Variants in ZNF804B observed in about 807,000 individuals in gnomAD.
The protein encoded by ZNF804B is zinc finger 804B.
Under a neutral mutation model 101.4 loss-of-function variants are expected in ZNF804B, and 80 were observed. That is an observed-to-expected ratio of 0.79 (90% CI 0.66 to 0.95). The LOEUF is 0.95. Ranked by LOEUF, ZNF804B falls within the 40% of genes least tolerant of loss-of-function variation. ZNF804B has a pLI of 0.00. For missense variants in ZNF804B, 1,673 were observed against 1,561.9 expected (o/e 1.07, Z -1.20); for synonymous variants, 622 against 558.8 (o/e 1.11, Z -1.59).
chr7:89,182,449 T>C (rs899387244), intron 1 of ZNF804B, among the ~76,000 whole-genome samples: 4 of 152,192 alleles, frequency 2.6e-5, no homozygotes, highest in African/African-American at 9.6e-5. Context: ...AATCCCATGA[T>C]AATAAAAACC....
intron 1 of ZNF804B, among the ~76,000 whole-genome samples, chr7:88,949,627 A>T (rs1218322334): frequency 6.6e-6 from 1 of 151,902 alleles, no homozygotes; most frequent in Non-Finnish European, 1.5e-5. Flanking sequence ...TTATCTAAAA[A>T]TACCTTATAT....
At chr7:89,207,838 C>T (rs1788737480) in intron 1 of ZNF804B, among the ~76,000 whole-genome samples, 1 of 152,090 alleles carries the variant, frequency 6.6e-6, no homozygotes, top group East Asian at 1.9e-4. Flanking sequence ...TAAACATAAA[C>T]TCTAGGTCAA....
chr7:88,760,687 C>T (rs972549937), intron 1 of ZNF804B, among the ~76,000 whole-genome samples: 9 of 151,808 alleles, frequency 5.9e-5, no homozygotes, highest in Non-Finnish European at 1.2e-4. Context: ...ATGCAATTAA[C>T]GTGATTGCTT....
At chr7:88,790,625 T>C (rs1353481030) in intron 1 of ZNF804B, among the ~76,000 whole-genome samples, 2 of 152,136 alleles carry the variant, frequency 1.3e-5, no homozygotes, top group Non-Finnish European at 2.9e-5. Context: ...CTGTATAGTA[T>C]ATATTCATAG....
At chr7:89,237,543 T>C (rs923611226) in intron 2 of ZNF804B, among the ~76,000 whole-genome samples, 5 of 152,174 alleles carry the variant, frequency 3.3e-5, no homozygotes, top group African/African-American at 1.2e-4. Flanking sequence ...TTTTCTTATC[T>C]TGATTTTCTA....
At chr7:89,231,524 G>A (rs1205499820) in intron 2 of ZNF804B, among the ~76,000 whole-genome samples, 4 of 151,938 alleles carry the variant, frequency 2.6e-5, no homozygotes, top group Non-Finnish European at 4.4e-5. Context: ...ACTAAATTTA[G>A]ATTAATTTGA....
chr7:88,835,743 A>G (rs904824025), intron 1 of ZNF804B, among the ~76,000 whole-genome samples: 2 of 151,916 alleles, frequency 1.3e-5, no homozygotes, highest in Non-Finnish European at 2.9e-5. Flanking sequence ...CTATATATGC[A>G]TATACATATA....
At chr7:88,818,823 C>G (rs1376750363) in intron 1 of ZNF804B, among the ~76,000 whole-genome samples, 1 of 152,142 alleles carries the variant, frequency 6.6e-6, no homozygotes. Context: ...TGTATCAACA[C>G]TAAAGTACTG....
intron 1 of ZNF804B, among the ~76,000 whole-genome samples, chr7:89,178,642 GTTA>G (rs1408092190): frequency 6.6e-6 from 1 of 151,976 alleles, no homozygotes; most frequent in Non-Finnish European, 1.5e-5. Context: ...AGTTGTCACA[GTTA>G]TTATTTTTGA....
chr7:89,139,295 T>C (rs1003229374), intron 1 of ZNF804B, among the ~76,000 whole-genome samples: 2 of 152,156 alleles, frequency 1.3e-5, no homozygotes, highest in African/African-American at 4.8e-5. Flanking sequence ...TGGTTGCGGC[T>C]CTTGCCTTGA....
At chr7:89,012,559 A>C (rs924924756) in intron 1 of ZNF804B, among the ~76,000 whole-genome samples, 1 of 152,196 alleles carries the variant, frequency 6.6e-6, no homozygotes, top group East Asian at 1.9e-4. Flanking sequence ...TTGCTAAAGC[A>C]TAACAAGGGT....
intron 1 of ZNF804B, among the ~76,000 whole-genome samples, chr7:88,919,991 G>A (rs2115995046): frequency 6.6e-6 from 1 of 152,152 alleles, no homozygotes; most frequent in African/African-American, 2.4e-5. Context: ...TATTACGAGG[G>A]AGGCTTGACA....
intron 1 of ZNF804B, among the ~76,000 whole-genome samples, chr7:88,870,400 A>AAAAAAAACAAAAAAAAAAAAAAAAG: frequency 8.9e-6 from 1 of 112,674 alleles, no homozygotes; most frequent in Non-Finnish European, 1.8e-5. Flanking sequence ...AAAAAAAAAA[A>AAAAAAAACAAAAAAAAAAAAAAAAG]AAAAAAAGGT....
chr7:89,221,067 A>C (rs1037819688), intron 2 of ZNF804B, among the ~76,000 whole-genome samples: 13 of 151,874 alleles, frequency 8.6e-5, no homozygotes, highest in African/African-American at 3.1e-4. Flanking sequence ...CTCTTTTTAT[A>C]ATCTTAAGTT....
rs948178444 is a variant in ZNF804B, at chr7:89,005,495, T to G, written c.109-212660T>G. 1.4e-4 allele frequency among the ~76,000 whole-genome samples: 21 copies of G among 152,248 alleles called. No homozygotes were observed. The East Asian group carries it at 4.1e-3, about 29-fold the overall frequency. ...ATAGCTGCTAATTTTGATGCACCAA[T>G]TTTTTATTCTCTGGTAACATAAATT... On this transcript the variant is annotated intron_variant, in intron 1 of 3. Coordinates refer to ENST00000333190, the MANE Select transcript of ZNF804B (RefSeq NM_181646.5).
chr7:88,945,612 T>C (rs957765676), intron 1 of ZNF804B, among the ~76,000 whole-genome samples: 1 of 128,354 alleles, frequency 7.8e-6, no homozygotes, highest in Admixed American at 7.4e-5. Context: ...AGTAGTTTTT[T>C]CTAATTCTGT....
intron 1 of ZNF804B, among the ~76,000 whole-genome samples, chr7:88,786,947 T>C (rs549546031): frequency 3.9e-5 from 6 of 152,022 alleles, no homozygotes; most frequent in Non-Finnish European, 8.8e-5. Context: ...GGAAGATGAG[T>C]GTGCACACAA....
At chr7:88,974,447 T>G (rs928627156) in intron 1 of ZNF804B, among the ~76,000 whole-genome samples, 1 of 151,206 alleles carries the variant, frequency 6.6e-6, no homozygotes, top group Non-Finnish European at 1.5e-5. Flanking sequence ...ATTCCACTAA[T>G]GTACATATAC....
chr7:88,963,390 A>G (rs59240756), intron 1 of ZNF804B, among the ~76,000 whole-genome samples: 8,630 of 151,352 alleles, frequency 0.057, 593 homozygotes, highest in African/African-American at 0.16. Context: ...GATTTTCAAT[A>G]AAAGTGCCCA....
Sources: gnomAD v4.1 joint callset for allele counts (sites outside exome capture counted in the v4.1 genomes callset) on GRCh38, gnomAD v4.1.1 for gene constraint, MANE v1.5 for transcripts, NCBI Gene and HGNC (gene_info 2026-07-23, HGNC 2026-07-21) for gene names.